The following CIT variants were observed in gnomAD, a reference collection of about 807,000 sequenced individuals.
CIT encodes citron rho-interacting serine/threonine kinase, also known as citron Rho-interacting kinase.
Under a neutral mutation model 272.7 loss-of-function variants are expected in CIT, and 79 were observed. The ratio of observed to expected loss-of-function variants is 0.29; its 90% confidence interval spans 0.24 to 0.35. The LOEUF (loss-of-function observed/expected upper bound fraction) is 0.35. Among genes scored for constraint, CIT ranks in the 10% least tolerant of loss-of-function variants. The pLI, the probability that CIT is intolerant of heterozygous loss-of-function variation, is 1.00. For synonymous variants in CIT, 948 were observed against 995.6 expected, an observed-to-expected ratio of 0.95 and a Z score of 0.90; for missense variants, 1,909 against 2,618.3, an observed-to-expected ratio of 0.73 and a Z score of 5.91.
rs149076196 is a variant in CIT at position 119,710,187 on chromosome 12, C to T, written c.5071+64G>A. On this transcript the variant is annotated intron_variant, in intron 39 of 47. Coordinates refer to ENST00000392521, the MANE Select transcript of CIT (RefSeq NM_001206999.2). This position sits in a 1 kb window ranked among gnomAD's most constrained non-coding sequence, Gnocchi z 5.6. ...TATTTTGTGTTTTACGAGCATGAAACGTGGCTTCAACATATTGGCTCCCTT... is the reference window on the plus strand; with the variant it reads ...TATTTTGTGTTTTACGAGCATGAAATGTGGCTTCAACATATTGGCTCCCTT... The T allele has an allele frequency of 2.0e-3, 3,058 of 1,559,662 alleles. 44 individuals are homozygous for T. The African/African-American group carries it at 0.035, about 18-fold the overall frequency.
chr12:119,690,384 G>A lies in CIT; in HGVS notation c.5953C>T (p.Pro1985Ser). 2 of 1,597,098 alleles carry A rather than the reference G, an allele frequency of 1.3e-6. No homozygotes were observed. The highest frequency in any genetic ancestry group is 8.5e-7 in the Non-Finnish European group (1 of 1,177,766). The change falls in exon 47 of 48, where the codon CCG (proline) becomes TCG (serine). Residue 1985 changes from proline (P) to serine (S), a missense_variant. Coordinates refer to ENST00000392521, the MANE Select transcript of CIT (RefSeq NM_001206999.2). The surrounding 1 kb of genome is among the most constrained non-coding windows in gnomAD (Gnocchi z 6.0). ...ITKRVASSPA[P>S]PEGPSHPREP... ...CGCGGGTGGCTGGGGCCTTCGGGCG[G>A]CGCTGGGCTGGAGGCCACGCGCTTG...
intron 19 of CIT, among the ~76,000 whole-genome samples, chr12:119,763,888 T>C (rs1049854380): frequency 1.3e-5 from 2 of 152,204 alleles, no homozygotes; most frequent in Non-Finnish European, 2.9e-5. Flanking sequence ...GTGGGCTACA[T>C]GTCAGGCCAG....
intron 10 of CIT, among the ~76,000 whole-genome samples, chr12:119,786,747 T>C (rs1007980423): frequency 6.6e-6 from 1 of 152,208 alleles, no homozygotes; most frequent in Admixed American, 6.5e-5. Flanking sequence ...GCTGGCTTGA[T>C]AGTGCTGACT....
chr12:119,752,206 G>A lies in CIT; in HGVS notation c.2748C>T (p.Arg916=). ...GGGAGAGCTGTAGCTCTGTGAGCTG[G>A]CGCTTGAGCTCCAGTTTCTGCTCCT... is the stretch of plus-strand genomic sequence containing the variant. The part of the protein sequence containing the change: ...EHEEQKLELK[R]QLTELQLSLQ... Residue 916 remains arginine, a synonymous_variant, in exon 23 of 48, where the codon CGC becomes CGT. Coordinates refer to ENST00000392521, the MANE Select transcript of CIT (RefSeq NM_001206999.2). 1 of 1,610,530 alleles carries A rather than the reference G, an allele frequency of 6.2e-7. No homozygotes were observed. Among genetic ancestry groups the A allele is most frequent in the Non-Finnish European group, 8.5e-7 (1 of 1,179,808 alleles).
intron 32 of CIT, among the ~76,000 whole-genome samples, chr12:119,715,117 C>T (rs1284235102): frequency 6.6e-6 from 1 of 152,172 alleles, no homozygotes; most frequent in Non-Finnish European, 1.5e-5. Flanking sequence ...GGAAACCCCT[C>T]TCGCTTGGTT....
chr12:119,784,909 G>A lies in CIT; in HGVS notation c.1401+51C>T, dbSNP rs760539513. On this transcript the variant is annotated intron_variant, in intron 11 of 47. Transcript: ENST00000392521. This position sits in a 1 kb window ranked among gnomAD's most constrained non-coding sequence, Gnocchi z 4.7. ...CCCGGGCGGATCCCTTGGCATATAC[G>A]GACGGGAGGATCCTGGAGCAAGGAA... 25 of 1,604,490 alleles carry A rather than the reference G, an allele frequency of 1.6e-5. No individual in the cohort carries two copies. The highest frequency in any genetic ancestry group is 3.5e-4 in the Middle Eastern group (2 of 5,720).
intron 24 of CIT, among the ~76,000 whole-genome samples, chr12:119,739,157 T>C (rs1958937974): frequency 6.6e-6 from 1 of 152,226 alleles, no homozygotes; most frequent in Non-Finnish European, 1.5e-5. Context: ...TGAAGGCAGC[T>C]ATTTGCATAT....
rs1451677801 is a variant in CIT at position 119,752,229 on chromosome 12, C to T, written c.2725G>A (p.Glu909Lys). The T allele has an allele frequency of 1.2e-6, 2 of 1,608,226 alleles. No homozygotes were observed. Among genetic ancestry groups the T allele is most frequent in the Non-Finnish European group, 1.7e-6 (2 of 1,179,672 alleles). The change falls in exon 23 of 48, where the codon GAG (glutamate) becomes AAG (lysine). Residue 909 changes from glutamate to lysine, a missense_variant. Physicochemically the swap from Glu to Lys is moderately conservative, Grantham distance 56. Transcript: ENST00000392521. ...TGGCGCTTGAGCTCCAGTTTCTGCT[C>T]CTCGTGCTCTAGACTGACCTGAGAC... ...RLREVSLEHE[E>K]QKLELKRQLT...
intron 28 of CIT, among the ~76,000 whole-genome samples, chr12:119,725,542 C>G (rs139162397): frequency 1.1e-3 from 174 of 152,364 alleles, no homozygotes; most frequent in African/African-American, 3.9e-3. Flanking sequence ...GGCCCAATCA[C>G]AATGTGGACA....
chr12:119,699,020 C>T (rs1298353127), intron 44 of CIT, among the ~76,000 whole-genome samples: 2 of 151,904 alleles, frequency 1.3e-5, no homozygotes, highest in South Asian at 2.1e-4. Flanking sequence ...TTTGGGAGGC[C>T]GAGGCGGGTG....
intron 23 of CIT, among the ~76,000 whole-genome samples, chr12:119,745,872 T>C (rs560382261): frequency 1.6e-4 from 24 of 152,292 alleles, no homozygotes; most frequent in African/African-American, 5.3e-4. Flanking sequence ...GATTTATAAA[T>C]AAAAAGTTAT....
At chr12:119,765,832 T>C (rs1158378728) in intron 19 of CIT, among the ~76,000 whole-genome samples, 1 of 151,622 alleles carries the variant, frequency 6.6e-6, no homozygotes, top group Non-Finnish European at 1.5e-5. Flanking sequence ...CAAAGTAAAA[T>C]TGTAAAGAAA....
At chr12:119,828,670 C>T (rs1436079027) in intron 7 of CIT, among the ~76,000 whole-genome samples, 1 of 152,018 alleles carries the variant, frequency 6.6e-6, no homozygotes, top group African/African-American at 2.4e-5. Flanking sequence ...TCAAGCAATT[C>T]TCCTGCCTCA....
chr12:119,873,377 A>C (rs145891723), intron 2 of CIT, among the ~76,000 whole-genome samples: 52 of 151,024 alleles, frequency 3.4e-4, no homozygotes, highest in African/African-American at 1.2e-3. Flanking sequence ...TCTAGGGCTC[A>C]AGTGATCCTC....
chr12:119,757,868 A>AG (rs1379191087), intron 21 of CIT, among the ~76,000 whole-genome samples: 3 of 151,842 alleles, frequency 2.0e-5, no homozygotes, highest in Non-Finnish European at 4.4e-5. Context: ...TAGGGACAGA[A>AG]GGGGGCCTCC....
chr12:119,734,132 G>A (rs951450807), intron 26 of CIT, 32 bp downstream of exon 26: 1 of 1,608,100 alleles, frequency 6.2e-7, no homozygotes. Flanking sequence ...GCGGTCACCT[G>A]TCATGAGCTT....
intron 23 of CIT, among the ~76,000 whole-genome samples, chr12:119,750,467 T>A (rs934012375): frequency 5.3e-5 from 8 of 152,234 alleles, no homozygotes; most frequent in Non-Finnish European, 1.2e-4. Flanking sequence ...CTGTGGTTAT[T>A]TTTTGCCAAA....
chr12:119,838,614 A>G (rs751641128), intron 5 of CIT, among the ~76,000 whole-genome samples: 3 of 152,002 alleles, frequency 2.0e-5, no homozygotes, highest in Non-Finnish European at 2.9e-5. Flanking sequence ...ATGGCTCCCT[A>G]CTCCAAGTGA....
intron 46 of CIT, among the ~76,000 whole-genome samples, chr12:119,695,685 G>A (rs278125): frequency 0.97 from 147,352 of 152,192 alleles, 71,359 homozygotes; most frequent in East Asian, 1. Flanking sequence ...AATCCCAGCT[G>A]CTCATCAGGC....
Sources: gnomAD v4.1 joint callset for allele counts (sites outside exome capture counted in the v4.1 genomes callset) on GRCh38, gnomAD v4.1.1 for gene constraint, Gnocchi (gnomAD v3.1) non-coding constraint, MANE v1.5 for transcripts, NCBI Gene and HGNC (gene_info 2026-07-23, HGNC 2026-07-21) for gene names.